The following IQGAP1 variants were observed in gnomAD, a reference collection of about 807,000 sequenced individuals.
IQGAP1 encodes IQ motif containing GTPase activating protein 1.
Under a neutral mutation model 215.6 loss-of-function variants are expected in IQGAP1, and 66 were observed. The observed-to-expected ratio is 0.31, with a 90% confidence interval of 0.25 to 0.38. The LOEUF is 0.38. Among genes scored for constraint, IQGAP1 ranks in the 10% least tolerant of loss-of-function variants. The pLI, the probability that IQGAP1 is intolerant of heterozygous loss-of-function variation, is 1.00. For synonymous variants in IQGAP1, 772 were observed against 728.7 expected, an observed-to-expected ratio of 1.06 and a Z score of -0.96; for missense variants, 1,712 against 1,997.1, an observed-to-expected ratio of 0.86 and a Z score of 2.72.
chr15:90,423,352 G>A (rs993303640), intron 2 of IQGAP1, among the ~76,000 whole-genome samples: 1 of 152,088 alleles, frequency 6.6e-6, no homozygotes, highest in African/African-American at 2.4e-5. Context: ...TCCTGTCTTA[G>A]CCTCCCAAGT....
intron 2 of IQGAP1, among the ~76,000 whole-genome samples, chr15:90,425,640 C>G (rs1204201998): frequency 1.3e-5 from 2 of 152,090 alleles, no homozygotes; most frequent in African/African-American, 4.8e-5. Context: ...TTTTGATAAC[C>G]CCCAAGCAAC....
chr15:90,464,734 C>G (rs1033072648), intron 15 of IQGAP1, among the ~76,000 whole-genome samples: 2 of 151,936 alleles, frequency 1.3e-5, no homozygotes, highest in African/African-American at 4.8e-5. Context: ...TGCACGTAGT[C>G]CCAGCTACTC....
intron 15 of IQGAP1, among the ~76,000 whole-genome samples, chr15:90,458,567 A>G (rs2151026061): frequency 6.6e-6 from 1 of 152,342 alleles, no homozygotes; most frequent in Non-Finnish European, 1.5e-5. Flanking sequence ...GACACATTAG[A>G]GATTCTGAAT....
rs547076064 is a variant in IQGAP1, at chr15:90,445,457, A to G, written c.913+1979A>G. On this transcript the variant is annotated intron_variant, in intron 9 of 37. Coordinates refer to ENST00000268182, the MANE Select transcript of IQGAP1 (RefSeq NM_003870.4). ...CACAGTTCAATATGGTTGACTTTCA[A>G]ATCTCCTGTGTCGTACACAGGCTCA... Among the ~76,000 whole-genome samples, 4 of 152,226 alleles carry G rather than the reference A, an allele frequency of 2.6e-5. No homozygotes were observed. In the East Asian group the frequency reaches 7.7e-4, roughly 29 times the overall value.
intron 2 of IQGAP1, among the ~76,000 whole-genome samples, chr15:90,417,211 A>AT (rs1965065849): frequency 1.3e-5 from 2 of 152,116 alleles, no homozygotes; most frequent in Non-Finnish European, 2.9e-5. Context: ...CTTTCGTTTA[A>AT]TTAGATCCCA....
At position 90,492,586 on chromosome 15, in the gene IQGAP1, C is replaced by G; in HGVS notation, c.4503C>G (p.Ala1501=). Residue 1501 remains alanine, a synonymous_variant, in exon 35 of 38, where the codon GCC becomes GCG. Coordinates refer to ENST00000268182, the MANE Select transcript of IQGAP1 (RefSeq NM_003870.4). The part of the protein sequence containing the change: ...NQRRYRQRRK[A]ELVKLQQTYA... ...GGAGGTACCGACAGAGGAGAAAGGC[C>G]GAACTAGTGAAACTGCAACAGACAT... 1 of 1,612,700 alleles carries G rather than the reference C, an allele frequency of 6.2e-7. No individual in the cohort carries two copies. The highest frequency in any genetic ancestry group is 1.3e-5 in the African/African-American group (1 of 74,918).
chr15:90,409,536 C>T (rs989573867), intron 2 of IQGAP1, among the ~76,000 whole-genome samples: 1 of 152,058 alleles, frequency 6.6e-6, no homozygotes. Context: ...CTGCGCCAGG[C>T]CTTAATTTTT....
rs1966221998 is a variant in IQGAP1 at position 90,492,636 on chromosome 15, C to T, written c.4553C>T (p.Thr1518Ile). 6.2e-7 allele frequency: 1 copy of T among 1,614,008 alleles called. No homozygotes were observed. The highest frequency in any genetic ancestry group is 1.7e-5 in the Admixed American group (1 of 59,998). Residue 1518 changes from threonine to isoleucine, a missense_variant, in exon 35 of 38, where the codon ACC (threonine) becomes ATC (isoleucine). Transcript: ENST00000268182. Reference protein sequence around the residue: ...QTYAALNSKATFYGEQVDYYK... With the variant: ...QTYAALNSKAIFYGEQVDYYK... Reference sequence around the variant, plus strand: ...TACGCTGCTCTGAACTCTAAGGCCACCTTTTATGGGGAGCAGGTGGATTAC... The same window carrying T: ...TACGCTGCTCTGAACTCTAAGGCCATCTTTTATGGGGAGCAGGTGGATTAC...
intron 18 of IQGAP1, among the ~76,000 whole-genome samples, chr15:90,468,308 A>C (rs1596281704): frequency 6.6e-6 from 1 of 151,682 alleles, no homozygotes; most frequent in African/African-American, 2.4e-5. Flanking sequence ...CAAGTGGTCC[A>C]CCCGCCTCAG....
chr15:90,390,896 G>T (rs2074214622), intron 2 of IQGAP1, 23 bp downstream of exon 2: 2 of 1,374,162 alleles, frequency 1.5e-6, no homozygotes, highest in South Asian at 2.3e-5. Flanking sequence ...TGGCTGGAGA[G>T]AAGATTAAGA....
intron 37 of IQGAP1, 138 bp from the exon 38 acceptor site, chr15:90,499,857 G>A (rs959131025): frequency 2.1e-5 from 12 of 577,000 alleles, no homozygotes; most frequent in Non-Finnish European, 3.4e-5. Context: ...CTTTTCTTTC[G>A]CCCCAGTTCA....
chr15:90,401,370 GTTATTTCAATAAGGCATT>G (rs1964802100), intron 2 of IQGAP1, among the ~76,000 whole-genome samples: 1 of 152,150 alleles, frequency 6.6e-6, no homozygotes, highest in Non-Finnish European at 1.5e-5. Flanking sequence ...GGAAGAATTA[GTTATTTCAATAAGGCATT>G]TTATTCTAGA....
chr15:90,475,519 G>C (rs1822118936), intron 23 of IQGAP1, among the ~76,000 whole-genome samples: 1 of 151,808 alleles, frequency 6.6e-6, no homozygotes, highest in African/African-American at 2.4e-5. Flanking sequence ...GGGAGGCCGA[G>C]AAGGGCGGAT....
At chr15:90,475,472 C>T (rs1965966090) in intron 23 of IQGAP1, among the ~76,000 whole-genome samples, 1 of 151,958 alleles carries the variant, frequency 6.6e-6, no homozygotes, top group African/African-American at 2.4e-5. Context: ...TAAGACAGGT[C>T]AGGCATGATG....
At chr15:90,487,322 T>A (rs1244393175) in intron 32 of IQGAP1, 173 bp from the exon 33 acceptor site, 2 of 658,930 alleles carry the variant, frequency 3.0e-6, no homozygotes, top group Non-Finnish European at 5.4e-6. Context: ...TCGTACCTAC[T>A]TATGGAATGG....
rs1470582128 is a variant in IQGAP1, at chr15:90,501,564, T to C, written c.*1456T>C. On this transcript the variant is annotated 3_prime_UTR_variant, in exon 38 of 38. Transcript: ENST00000268182. ...CTTTAATGAATAACAAACTATGTAG[T>C]GTGTCCCTATTATAAATGCATTGGA... 1 of 152,222 alleles carries C rather than the reference T, an allele frequency of 6.6e-6. No homozygotes were observed. The allele number at this position is 152,222 out of a possible 1,614,324, so 9.4% of individuals were successfully genotyped here. A position where few individuals can be genotyped will look rare whatever the true frequency, so the allele number is the denominator to read the frequency against.
In IQGAP1 at chr15:90,477,824, A is replaced by G. The variant is rs555938368; in HGVS notation, c.3264A>G (p.Lys1088=). The G allele has an allele frequency of 6.2e-7, 1 of 1,613,952 alleles. No individual in the cohort carries two copies. Among genetic ancestry groups the G allele is most frequent in the East Asian group, 2.2e-5 (1 of 44,892 alleles). Reference sequence around the variant, plus strand: ...TGGATGACAAATCTCTCAACATCAAAACTGACCCTGTGGATATTTACAAAT... The same window carrying G: ...TGGATGACAAATCTCTCAACATCAAGACTGACCCTGTGGATATTTACAAAT... ...EIMDDKSLNI[K]TDPVDIYKSW... The change falls in exon 26 of 38, where the codon AAA becomes AAG. Residue 1088 remains lysine, a synonymous_variant. Transcript: ENST00000268182.
At position 90,487,474 on chromosome 15, in the gene IQGAP1, G is replaced by A. The variant is rs769591081; in HGVS notation, c.4161-21G>A. 10 of 1,574,732 alleles carry A rather than the reference G, an allele frequency of 6.4e-6. No individual in the cohort carries two copies. The African/African-American group carries it at 1.4e-4, about 21-fold the overall frequency. On this transcript the variant is annotated intron_variant, in intron 32 of 37. Coordinates refer to ENST00000268182, the MANE Select transcript of IQGAP1 (RefSeq NM_003870.4). The stretch of plus-strand genomic sequence containing the variant: ...ACTAGAACACTGGTAATATTTAAAT[G>A]CCTCCCCCATCTCGTTTCAGTACAA...
intron 9 of IQGAP1, among the ~76,000 whole-genome samples, chr15:90,445,475 C>T (rs138491984): frequency 6.4e-4 from 98 of 152,294 alleles, no homozygotes; most frequent in Middle Eastern, 3.4e-3. Flanking sequence ...GTGTCGTACA[C>T]AGGCTCATCC....
Sources: allele counts gnomAD v4.1 joint callset (sites outside exome capture counted in the v4.1 genomes callset), GRCh38; gene constraint gnomAD v4.1.1; transcripts MANE v1.5; gene names NCBI Gene and HGNC (gene_info 2026-07-23, HGNC 2026-07-21).